CYP2J2: variants seen among roughly 807,000 people sequenced by gnomAD.
CYP2J2 encodes cytochrome P450 2J2.
In CYP2J2, 41 loss-of-function variants were observed where a neutral mutation model predicts 48.8. The ratio of observed to expected loss-of-function variants is 0.84; its 90% CI spans 0.66 to 1.09. The LOEUF is 1.09. CYP2J2 is among the 50% of genes least tolerant of loss of function. CYP2J2 has a pLI of 0.00. For missense variants in CYP2J2, 644 were observed against 617.3 expected (o/e 1.04, Z -0.46); for synonymous variants, 221 against 227.1 (o/e 0.97, Z 0.24).
intron 7 of CYP2J2, among the ~76,000 whole-genome samples, chr1:59,903,336 G>A (rs1644336879): frequency 1.3e-5 from 2 of 152,310 alleles, no homozygotes; most frequent in South Asian, 4.1e-4. Flanking sequence ...GCAATGTGGG[G>A]AGAGGGCACT....
At chr1:59,951,535 C>T in the CYP2J2 span, among the ~76,000 whole-genome samples, 4 of 152,050 alleles carry the variant, frequency 2.6e-5, no homozygotes, top group African/African-American at 9.7e-5. Context: ...TGTTAAGAAC[C>T]CTGTAACTAG....
intron 2 of CYP2J2, among the ~76,000 whole-genome samples, chr1:59,915,459 T>C (rs921584112): frequency 2.6e-5 from 4 of 151,736 alleles, no homozygotes; most frequent in Non-Finnish European, 4.4e-5. Context: ...ATTTTAAGTG[T>C]TCATGCCAAT....
intron 1 of CYP2J2, among the ~76,000 whole-genome samples, chr1:59,921,496 T>A (rs2102137575): frequency 6.6e-6 from 1 of 152,194 alleles, no homozygotes; most frequent in South Asian, 2.1e-4. Context: ...GGGAATGGAA[T>A]GCAACCCTTG....
chr1:59,895,628 A>AT (rs201744140), intron 8 of CYP2J2, among the ~76,000 whole-genome samples: 3 of 151,746 alleles, frequency 2.0e-5, no homozygotes, highest in African/African-American at 4.8e-5. Context: ...GACCATATAT[A>AT]TTTTTTTGAT....
upstream of CYP2J2, among the ~76,000 whole-genome samples, chr1:59,929,170 A>G (rs1644591515): frequency 1.3e-5 from 2 of 152,252 alleles, no homozygotes; most frequent in African/African-American, 4.8e-5. Context: ...ACCCAAGTCC[A>G]TGCCCTCAGG....
the CYP2J2 span, among the ~76,000 whole-genome samples, chr1:59,953,646 G>A: frequency 6.6e-6 from 1 of 151,952 alleles, no homozygotes; most frequent in Non-Finnish European, 1.5e-5. Flanking sequence ...AGTGGCATTT[G>A]AATGGAGATC....
the CYP2J2 span, among the ~76,000 whole-genome samples, chr1:59,966,533 G>A: frequency 6.6e-6 from 1 of 152,162 alleles, no homozygotes; most frequent in South Asian, 2.1e-4. Context: ...CAAAGCTGGT[G>A]TTCTTTCCAC....
intron 1 of CYP2J2, among the ~76,000 whole-genome samples, chr1:59,925,627 CACTT>C (rs1386483952): frequency 6.6e-6 from 1 of 152,146 alleles, no homozygotes; most frequent in Non-Finnish European, 1.5e-5. Flanking sequence ...CTAATTCTGT[CACTT>C]AGTATTACCA....
chr1:59,951,222 T>C, the CYP2J2 span, among the ~76,000 whole-genome samples: 2 of 152,312 alleles, frequency 1.3e-5, no homozygotes, highest in East Asian at 3.9e-4. Context: ...AATACCAGTG[T>C]TCATGTTCTT....
At chr1:59,901,441 T>A (rs1000613072) in intron 7 of CYP2J2, among the ~76,000 whole-genome samples, 13 of 152,292 alleles carry the variant, frequency 8.5e-5, no homozygotes, top group Non-Finnish European at 1.5e-4. Flanking sequence ...AATCCAACAG[T>A]CAGTCTGCAC....
intron 7 of CYP2J2, chr1:59,904,461 G>C (rs1003650588): frequency 6.3e-6 from 1 of 159,936 alleles, no homozygotes; most frequent in African/African-American, 2.4e-5. Context: ...TAGAACCCCA[G>C]GTTCATGAAG....
upstream of CYP2J2, among the ~76,000 whole-genome samples, chr1:59,927,080 C>T (rs1279681855): frequency 6.6e-6 from 1 of 152,178 alleles, no homozygotes; most frequent in Non-Finnish European, 1.5e-5. Context: ...CCTAACATTT[C>T]TTGGGCTCTT....
Position 59,907,874 on chromosome 1 carries a change from G to T in CYP2J2, c.915C>A (p.Thr305=). 6.2e-7 allele frequency: 1 copy of T among 1,614,026 alleles called. No homozygotes were observed. The highest frequency in any genetic ancestry group is 2.2e-5 in the East Asian group (1 of 44,874). The change falls in exon 6 of 9, where the codon ACC becomes ACA. Residue 305 remains threonine (T), a synonymous_variant. Coordinates refer to ENST00000371204, the MANE Select transcript of CYP2J2 (RefSeq NM_000775.4). ...CGGTTCCGGCAAAGAAGAGGTCCAGGGTGCTGCAGATGAGGTTTTCTTCAT... is the reference window on the plus strand; with the variant it reads ...CGGTTCCGGCAAAGAAGAGGTCCAGTGTGCTGCAGATGAGGTTTTCTTCAT... The part of the protein sequence containing the change: ...SFHEENLICS[T]LDLFFAGTET...
the CYP2J2 span, among the ~76,000 whole-genome samples, chr1:59,965,415 G>A: frequency 6.6e-3 from 1,006 of 152,316 alleles, 4 homozygotes; most frequent in East Asian, 0.023. Flanking sequence ...CCAACTCCAC[G>A]ACACAAATAC....
the CYP2J2 span, among the ~76,000 whole-genome samples, chr1:59,939,522 A>T: frequency 2.9e-3 from 435 of 152,278 alleles, 2 homozygotes; most frequent in Admixed American, 4.4e-3. Context: ...CTAGGATTGC[A>T]CTGGTTCAGA....
the CYP2J2 span, among the ~76,000 whole-genome samples, chr1:59,967,511 G>T: frequency 2.5e-4 from 38 of 152,350 alleles, no homozygotes; most frequent in South Asian, 7.9e-3. Context: ...TTTCCAGACT[G>T]CTGGGGCCTC....
intron 5 of CYP2J2, 22 bp downstream of exon 5, chr1:59,909,762 A>G (rs1644395376): frequency 6.4e-7 from 1 of 1,554,262 alleles, no homozygotes; most frequent in Non-Finnish European, 8.7e-7. Flanking sequence ...AACAAAATAC[A>G]AAATGACTTT....
At chr1:59,915,628 G>A (rs1644457708) in intron 2 of CYP2J2, among the ~76,000 whole-genome samples, 1 of 152,136 alleles carries the variant, frequency 6.6e-6, no homozygotes, top group Non-Finnish European at 1.5e-5. Flanking sequence ...GGTTGGAAGA[G>A]GAAAACAGAG....
the CYP2J2 span, among the ~76,000 whole-genome samples, chr1:59,940,790 T>C: frequency 6.6e-6 from 1 of 152,186 alleles, no homozygotes; most frequent in African/African-American, 2.4e-5. Flanking sequence ...ATATACACAA[T>C]GGAAAACTAT....
Sources: gnomAD v4.1 joint callset for allele counts (sites outside exome capture counted in the v4.1 genomes callset) on GRCh38, gnomAD v4.1.1 for gene constraint, MANE v1.5 for transcripts, NCBI Gene and HGNC (gene_info 2026-07-23, HGNC 2026-07-21) for gene names.